The following CNTN4 variants were observed in gnomAD, a reference collection of about 807,000 sequenced individuals.
The protein encoded by CNTN4 is contactin 4, also known as contactin-4.
CNTN4 carries 77 observed loss-of-function variants against 122.5 expected under a neutral mutation model. The observed-to-expected ratio is 0.63, with a 90% CI of 0.52 to 0.76. The LOEUF (loss-of-function observed/expected upper bound fraction) is 0.76. Among genes scored for constraint, CNTN4 ranks in the 30% least tolerant of loss-of-function variants. The probability of loss-of-function intolerance (pLI) is 0.00; values close to 1 mark genes in which losing one functional copy is unlikely to be tolerated. For missense variants in CNTN4, 1,256 were observed against 1,259.1 expected, an observed-to-expected ratio of 1.00 and a Z score of 0.04; for synonymous variants, 512 against 447.0, an observed-to-expected ratio of 1.15 and a Z score of -1.83.
intron 13 of CNTN4, among the ~76,000 whole-genome samples, chr3:2,926,056 T>A (rs1179898454): frequency 1.3e-5 from 2 of 152,210 alleles, no homozygotes. Context: ...AGAAACATCC[T>A]CCTTAATTTA....
At chr3:2,768,046 T>G (rs768061246) in intron 6 of CNTN4, among the ~76,000 whole-genome samples, 3 of 152,192 alleles carry the variant, frequency 2.0e-5, no homozygotes, top group Non-Finnish European at 4.4e-5. Flanking sequence ...GAAATGTAGG[T>G]AAAATGGTCA....
At chr3:2,234,370 C>CAAAAAAAAAAAAAAAA (rs72401999) in intron 2 of CNTN4, among the ~76,000 whole-genome samples, 6 of 94,742 alleles carry the variant, frequency 6.3e-5, no homozygotes, top group African/African-American at 1.9e-4. Context: ...AAGTCCATCT[C>CAAAAAAAAAAAAAAAA]AAAAAAAAAA....
At chr3:2,100,885 G>A (rs1331510477) in intron 2 of CNTN4, among the ~76,000 whole-genome samples, 1 of 152,196 alleles carries the variant, frequency 6.6e-6, no homozygotes, top group African/African-American at 2.4e-5. Context: ...CTGGGAGGTA[G>A]CTGGCAAGGA....
At chr3:2,455,404 TG>T (rs2151389507) in intron 3 of CNTN4, among the ~76,000 whole-genome samples, 1 of 152,252 alleles carries the variant, frequency 6.6e-6, no homozygotes, top group South Asian at 2.1e-4. Flanking sequence ...ATAAATAAAG[TG>T]CTGAAAGTAC....
chr3:2,536,114 G>T (rs1179381114), intron 3 of CNTN4, among the ~76,000 whole-genome samples: 2 of 152,050 alleles, frequency 1.3e-5, no homozygotes, highest in East Asian at 3.9e-4. Context: ...CTGTCCACAG[G>T]ACTCTCCAAT....
At chr3:2,684,855 C>T (rs774974394) in intron 4 of CNTN4, among the ~76,000 whole-genome samples, 15 of 151,984 alleles carry the variant, frequency 9.9e-5, no homozygotes, top group South Asian at 4.1e-4. Flanking sequence ...TAAAAGGAAT[C>T]GGGAGTGCTC....
intron 7 of CNTN4, among the ~76,000 whole-genome samples, chr3:2,861,069 A>C (rs1416958711): frequency 6.6e-6 from 1 of 152,222 alleles, no homozygotes; most frequent in African/African-American, 2.4e-5. Flanking sequence ...AAGAAACTCT[A>C]AGAATTTACA....
At chr3:2,683,959 C>G (rs989438984) in intron 4 of CNTN4, among the ~76,000 whole-genome samples, 4 of 152,120 alleles carry the variant, frequency 2.6e-5, no homozygotes, top group African/African-American at 9.7e-5. Flanking sequence ...CATGATGAGT[C>G]TTAAGCCTAC....
At chr3:2,917,801 G>A (rs191959413) in intron 12 of CNTN4, among the ~76,000 whole-genome samples, 292 of 152,224 alleles carry the variant, frequency 1.9e-3, no homozygotes, top group Non-Finnish European at 2.3e-3. Context: ...GGACAGGACT[G>A]TTCTGTTGGT....
chr3:2,210,558 C>T (rs1365240824), intron 2 of CNTN4, among the ~76,000 whole-genome samples: 2 of 152,174 alleles, frequency 1.3e-5, no homozygotes, highest in African/African-American at 2.4e-5. Context: ...TGGGGATTAT[C>T]TCCATTGATA....
intron 6 of CNTN4, among the ~76,000 whole-genome samples, chr3:2,786,077 G>A (rs768409459): frequency 3.9e-5 from 6 of 151,942 alleles, no homozygotes; most frequent in Admixed American, 2.6e-4. Flanking sequence ...TTTGTCAGCC[G>A]AACTCCAGGG....
At chr3:2,428,815 C>T (rs1363183644) in intron 3 of CNTN4, among the ~76,000 whole-genome samples, 1 of 152,152 alleles carries the variant, frequency 6.6e-6, no homozygotes, top group East Asian at 1.9e-4. Context: ...TGCTTCATTT[C>T]ATTCATCTGA....
intron 6 of CNTN4, among the ~76,000 whole-genome samples, chr3:2,780,026 A>G (rs996948221): frequency 6.6e-6 from 1 of 152,226 alleles, no homozygotes; most frequent in Non-Finnish European, 1.5e-5. Context: ...TAAAAGGATA[A>G]AAGTAGTGGG....
chr3:2,648,618 CT>C, intron 4 of CNTN4, among the ~76,000 whole-genome samples: 1 of 152,292 alleles, frequency 6.6e-6, no homozygotes, highest in Middle Eastern at 3.4e-3. Flanking sequence ...ATCTCTCTCC[CT>C]TCTCCTGGGG....
chr3:2,647,949 T>C (rs1306582851), intron 4 of CNTN4, among the ~76,000 whole-genome samples: 2 of 152,240 alleles, frequency 1.3e-5, no homozygotes, highest in Non-Finnish European at 2.9e-5. Context: ...ATAAGTTTCT[T>C]TCTGGATTTG....
chr3:2,642,859 G>A (rs2082953721), intron 4 of CNTN4, among the ~76,000 whole-genome samples: 3 of 152,172 alleles, frequency 2.0e-5, no homozygotes, highest in Admixed American at 1.3e-4. Flanking sequence ...GGCATATTTT[G>A]TTCTGATTGT....
At chr3:3,041,148 A>G (rs1467674454) in intron 20 of CNTN4, 1 of 152,210 alleles carries the variant, frequency 6.6e-6, no homozygotes, top group Non-Finnish European at 1.5e-5. Flanking sequence ...GGACCATGTT[A>G]AAACATCTGA....
chr3:2,848,202 G>T (rs746012366), intron 7 of CNTN4, among the ~76,000 whole-genome samples: 11 of 152,154 alleles, frequency 7.2e-5, no homozygotes, highest in Admixed American at 2.0e-4. Flanking sequence ...TCATGCCACT[G>T]CAGTCCAGCC....
At chr3:2,781,790 T>C (rs1267954780) in intron 6 of CNTN4, among the ~76,000 whole-genome samples, 4 of 134,922 alleles carry the variant, frequency 3.0e-5, no homozygotes, top group Admixed American at 7.5e-5. Flanking sequence ...AGTAGCGCGA[T>C]CTCTGCTCAC....
Sources: allele counts gnomAD v4.1 joint callset (sites outside exome capture counted in the v4.1 genomes callset), GRCh38; gene constraint gnomAD v4.1.1; transcripts MANE v1.5; gene names NCBI Gene and HGNC (gene_info 2026-07-23, HGNC 2026-07-21).